The following PPP4R1 variants were observed in gnomAD, a reference collection of about 807,000 sequenced individuals.
PPP4R1 encodes protein phosphatase 4 regulatory subunit 1, also known as serine/threonine-protein phosphatase 4 regulatory subunit 1.
Under a neutral mutation model 111.2 loss-of-function variants are expected in PPP4R1, and 42 were observed. That is an observed-to-expected ratio of 0.38 (90% CI 0.29 to 0.49). PPP4R1 has a LOEUF of 0.49. Ranked by LOEUF, PPP4R1 falls within the 20% of genes least tolerant of loss-of-function variation. The pLI, the probability that PPP4R1 is intolerant of heterozygous loss-of-function variation, is 0.97. For synonymous variants in PPP4R1, 409 were observed against 405.5 expected, an observed-to-expected ratio of 1.01 and a Z score of -0.10; for missense variants, 1,012 against 1,161.6, an observed-to-expected ratio of 0.87 and a Z score of 1.87.
Position 9,549,353 on chromosome 18 carries a change from C to G in PPP4R1, c.2548-15G>C. The G allele has an allele frequency of 6.3e-7, 1 of 1,591,318 alleles. No individual in the cohort carries two copies. The highest frequency in any genetic ancestry group is 8.6e-7 in the Non-Finnish European group (1 of 1,160,834). On this transcript the variant is annotated splice_polypyrimidine_tract_variant and intron_variant, in intron 18 of 19. Transcript: ENST00000400556. ...TCAATGACAGTCTGGGGAAGAGAAA[C>G]AGCTGCTCTAGGCTTCTCTGTCAAT... is the stretch of plus-strand genomic sequence containing the variant.
intron 2 of PPP4R1, among the ~76,000 whole-genome samples, chr18:9,608,597 T>C (rs184483199): frequency 1.7e-4 from 26 of 152,312 alleles, no homozygotes; most frequent in Non-Finnish European, 2.8e-4. Context: ...GACCCTCTTA[T>C]AGAAATTAGA....
At chr18:9,553,488 C>A in intron 15 of PPP4R1, 66 bp from the exon 16 acceptor site, 1 of 1,020,970 alleles carries the variant, frequency 9.8e-7, no homozygotes, top group Non-Finnish European at 1.5e-6. Context: ...TACTAGAGTG[C>A]TTAAAAACAG....
chr18:9,550,084 A>C lies in PPP4R1; in HGVS notation c.2515T>G (p.Ser839Ala), dbSNP rs1568080664. 1 of 1,614,106 alleles carries C rather than the reference A, an allele frequency of 6.2e-7. No individual in the cohort carries two copies. The highest frequency in any genetic ancestry group is 1.7e-5 in the Admixed American group (1 of 60,004). The stretch of plus-strand genomic sequence containing the variant: ...ACAAAGACAAAGGCTTGCCGACCAG[A>C]CCACTTGGGACATCTGCCAAAGTTC... ...VENFGRCPKW[S>A]GRQAFVFVCQ... The change falls in exon 18 of 20, where the codon TCT (serine) becomes GCT (alanine). Residue 839 changes from serine (S) to alanine (A), a missense_variant. Physicochemically the swap from Ser to Ala is moderately conservative, Grantham distance 99 (BLOSUM62 1). Transcript: ENST00000400556.
At chr18:9,555,333 C>A (rs1441783026) in intron 15 of PPP4R1, among the ~76,000 whole-genome samples, 1 of 151,758 alleles carries the variant, frequency 6.6e-6, no homozygotes, top group Non-Finnish European at 1.5e-5. Flanking sequence ...TAAAAAAAAA[C>A]AGAAAGAATT....
chr18:9,577,066 A>G lies in PPP4R1; in HGVS notation c.1044T>C (p.Asn348=), dbSNP rs1054940230. 3.9e-6 allele frequency: 6 copies of G among 1,544,192 alleles called. No individual in the cohort carries two copies. In the African/African-American group the frequency reaches 7.0e-5, roughly 18 times the overall value. Residue 348 remains asparagine (N), a splice_region_variant and synonymous_variant, in exon 10 of 20, where the codon AAT becomes AAC. Transcript: ENST00000400556. ...SSEEMSVENK[N]RTRDQEAPED... ...AGAAAATGGTTTCAAAATTATACCT[A>G]TTTTTGTTTTCTACTGACATCTCTT...
chr18:9,583,041 TA>T, intron 9 of PPP4R1, 75 bp downstream of exon 9: 1 of 1,286,646 alleles, frequency 7.8e-7, no homozygotes, highest in Non-Finnish European at 1.0e-6. Context: ...AGTTATTTCT[TA>T]TGAGGTCAAA....
chr18:9,554,948 C>T (rs750688742), intron 15 of PPP4R1, among the ~76,000 whole-genome samples: 14 of 152,124 alleles, frequency 9.2e-5, no homozygotes, highest in South Asian at 2.1e-4. Context: ...AAATAACTTT[C>T]GAAACCGGGG....
chr18:9,604,719 TC>T (rs1195221124), intron 2 of PPP4R1, among the ~76,000 whole-genome samples: 1 of 152,166 alleles, frequency 6.6e-6, no homozygotes, highest in African/African-American at 2.4e-5. Flanking sequence ...AAAGTATTTT[TC>T]CTTTTTTTCA....
At chr18:9,588,332 AC>A in intron 5 of PPP4R1, 97 bp from the exon 6 acceptor site, 1 of 1,314,594 alleles carries the variant, frequency 7.6e-7, no homozygotes, top group Non-Finnish European at 1.0e-6. Flanking sequence ...TCTCAAAGGG[AC>A]CCATAACTGG....
chr18:9,576,908 T>C (rs1397924014), intron 10 of PPP4R1, among the ~76,000 whole-genome samples, 156 bp downstream of exon 10: 2 of 65,062 alleles, frequency 3.1e-5, no homozygotes, highest in Non-Finnish European at 5.6e-5. Context: ...GCGCTTAAAG[T>C]AAAGCTCTAT....
upstream of PPP4R1, chr18:9,615,351 A>C (rs1423129209): frequency 6.6e-6 from 1 of 152,210 alleles, no homozygotes; most frequent in Non-Finnish European, 1.5e-5. Context: ...AGTGGGGCCC[A>C]TTTGTAGAAT....
chr18:9,614,656 G>A (rs2067660747), upstream of PPP4R1: 2 of 159,166 alleles, frequency 1.3e-5, no homozygotes, highest in Admixed American at 6.9e-5. This position sits in a 1 kb window ranked among gnomAD's most constrained non-coding sequence, Gnocchi z 4.1. Context: ...CGCGGGCGGC[G>A]CGGCTCCCGG....
At chr18:9,585,739 G>T (rs1368397638) in intron 6 of PPP4R1, among the ~76,000 whole-genome samples, 1 of 152,104 alleles carries the variant, frequency 6.6e-6, no homozygotes, top group Non-Finnish European at 1.5e-5. Flanking sequence ...CTACAAATTA[G>T]CAATGAACAA....
At chr18:9,612,567 G>C (rs762060174) in intron 2 of PPP4R1, 1 of 152,176 alleles carries the variant, frequency 6.6e-6, no homozygotes, top group Non-Finnish European at 1.5e-5. Flanking sequence ...CATCCTTCAG[G>C]AGTGAGAAGT....
chr18:9,613,453 C>T (rs745664592), intron 2 of PPP4R1: 11 of 152,094 alleles, frequency 7.2e-5, no homozygotes, highest in Non-Finnish European at 1.3e-4. Flanking sequence ...ATATCAATTC[C>T]GTCGCCATCA....
Position 9,547,627 on chromosome 18 carries a change from G to A in PPP4R1, c.*162C>T, listed in dbSNP as rs752380273. 1 of 710,374 alleles carries A rather than the reference G, an allele frequency of 1.4e-6. No individual in the cohort carries two copies. The highest frequency in any genetic ancestry group is 2.3e-6 in the Non-Finnish European group (1 of 427,246). The allele number at this position is 710,374 out of a possible 1,614,324, so 44.0% of individuals were successfully genotyped here. A position where few individuals can be genotyped will look rare whatever the true frequency, so the allele number is the denominator to read the frequency against. On this transcript the variant is annotated 3_prime_UTR_variant, in exon 20 of 20. Coordinates refer to ENST00000400556, the MANE Select transcript of PPP4R1 (RefSeq NM_001042388.3). Reference sequence around the variant, plus strand: ...TTTACTGTACTTTCTCTTGACTCTTGAAATCCCTGGTATTGGGTGTAGGCA... The same window carrying A: ...TTTACTGTACTTTCTCTTGACTCTTAAAATCCCTGGTATTGGGTGTAGGCA...
intron 13 of PPP4R1, among the ~76,000 whole-genome samples, chr18:9,560,801 G>A (rs933693714): frequency 2.6e-5 from 4 of 151,754 alleles, no homozygotes; most frequent in Admixed American, 2.0e-4. Flanking sequence ...GTTCGAGGCT[G>A]CAGTGAGCTG....
chr18:9,616,010 G>A (rs181321122), upstream of PPP4R1, among the ~76,000 whole-genome samples: 103 of 152,268 alleles, frequency 6.8e-4, no homozygotes, highest in African/African-American at 2.2e-3. Flanking sequence ...CCGAGTATGT[G>A]TCTAATTTTC....
At chr18:9,588,448 T>A (rs892995571) in intron 5 of PPP4R1, among the ~76,000 whole-genome samples, 1 of 152,228 alleles carries the variant, frequency 6.6e-6, no homozygotes, top group Non-Finnish European at 1.5e-5. Flanking sequence ...AGAGCCATCC[T>A]GGTAAAAGAT....
Sources: allele counts gnomAD v4.1 joint callset (sites outside exome capture counted in the v4.1 genomes callset), GRCh38; gene constraint gnomAD v4.1.1; non-coding constraint Gnocchi (gnomAD v3.1); transcripts MANE v1.5; gene names NCBI Gene and HGNC (gene_info 2026-07-23, HGNC 2026-07-21).